The following SMG1 variants were observed in gnomAD, a reference collection of about 807,000 sequenced individuals.
SMG1 encodes the protein serine/threonine-protein kinase SMG1.
Under a neutral mutation model 419.9 loss-of-function variants are expected in SMG1, and 22 were observed. That is an observed-to-expected ratio of 0.05 (90% CI 0.04 to 0.07). The LOEUF is 0.07. Ranked by LOEUF, SMG1 falls within the 10% of genes least tolerant of loss-of-function variation. SMG1 has a pLI of 1.00. For missense variants in SMG1, 3,185 were observed against 4,342.0 expected (o/e 0.73, Z 7.49); for synonymous variants, 1,538 against 1,553.5 (o/e 0.99, Z 0.23).
chr16:18,811,139 G>C (rs996314949), intron 62 of SMG1, among the ~76,000 whole-genome samples: 18 of 152,068 alleles, frequency 1.2e-4, no homozygotes, highest in Admixed American at 9.2e-4. Flanking sequence ...TTTAGATTTT[G>C]GATTCTTTGA....
intron 9 of SMG1, among the ~76,000 whole-genome samples, 150 bp downstream of exon 9, chr16:18,883,918 CAA>C (rs66595727): frequency 2.3e-4 from 22 of 96,870 alleles, no homozygotes; most frequent in Non-Finnish European, 2.2e-4. Context: ...GACTCCATCT[CAA>C]AAAAAAAAAA....
At chr16:18,880,507 G>A (rs1414453138) in intron 10 of SMG1, among the ~76,000 whole-genome samples, 1 of 152,108 alleles carries the variant, frequency 6.6e-6, no homozygotes, top group Non-Finnish European at 1.5e-5. Flanking sequence ...GAGTCCAGGA[G>A]TTTGAGACCA....
At position 18,852,215 on chromosome 16, in the gene SMG1, T is replaced by G; in HGVS notation, c.4914-10A>C. 1.2e-6 allele frequency: 2 copies of G among 1,610,308 alleles called. No homozygotes were observed. Among genetic ancestry groups the G allele is most frequent in the Non-Finnish European group, 1.7e-6 (2 of 1,178,810 alleles). On this transcript the variant is annotated splice_polypyrimidine_tract_variant and intron_variant, in intron 32 of 62. Transcript: ENST00000446231. ...AACACCTTCTCCCTGACTATAAAAATAAACAAGTCATCAGTATTTCAGCTA... is the reference window on the plus strand; with the variant it reads ...AACACCTTCTCCCTGACTATAAAAAGAAACAAGTCATCAGTATTTCAGCTA...
intron 53 of SMG1, 57 bp downstream of exon 53, chr16:18,829,869 G>A: frequency 1.4e-6 from 2 of 1,442,476 alleles, no homozygotes; most frequent in Non-Finnish European, 1.9e-6. Flanking sequence ...ACTCTATCCT[G>A]CCCCCTTCCA....
At chr16:18,888,576 T>A (rs896984674) in intron 6 of SMG1, among the ~76,000 whole-genome samples, 2 of 151,454 alleles carry the variant, frequency 1.3e-5, no homozygotes, top group Admixed American at 1.3e-4. Flanking sequence ...CAAGCGATTC[T>A]CCTGCCTCAG....
At chr16:18,863,163 T>G (rs2035301687) in intron 25 of SMG1, among the ~76,000 whole-genome samples, 1 of 152,232 alleles carries the variant, frequency 6.6e-6, no homozygotes, top group South Asian at 2.1e-4. Context: ...TCTAATGACC[T>G]TTATCTTCCC....
rs562061224 is a variant in SMG1, at chr16:18,925,573, G to A, written c.92+377C>T. On this transcript the variant is annotated intron_variant, in intron 1 of 62. Transcript: ENST00000446231. ...TGAAAGAGTGGGGAACCGAGAAAGT[G>A]AATGAGTAACAGGGAGGGTCCTGGA... is the stretch of plus-strand genomic sequence containing the variant. 89 of 209,304 alleles carry A rather than the reference G, an allele frequency of 4.3e-4. 1 individual carries two copies. The South Asian group carries it at 0.011, about 27-fold the overall frequency. 13.0% of individuals were successfully genotyped at this position (209,304 alleles called of 1,614,324 possible).
intron 1 of SMG1, among the ~76,000 whole-genome samples, chr16:18,908,916 T>C (rs2037687339): frequency 1.3e-5 from 2 of 152,098 alleles, no homozygotes; most frequent in Admixed American, 6.6e-5. Flanking sequence ...ACCATTTTTT[T>C]CAACTCCTGA....
At chr16:18,860,618 T>C (rs1334912138) in intron 26 of SMG1, 49 bp downstream of exon 26, 4 of 790,266 alleles carry the variant, frequency 5.1e-6, no homozygotes, top group South Asian at 3.0e-5. Flanking sequence ...GCCAAACATT[T>C]TGAGCAACTT....
chr16:18,854,831 C>G lies in SMG1; in HGVS notation c.4308G>C (p.Gly1436=). The G allele has an allele frequency of 6.2e-7, 1 of 1,614,008 alleles. No individual in the cohort carries two copies. The highest frequency in any genetic ancestry group is 8.5e-7 in the Non-Finnish European group (1 of 1,179,890). The change falls in exon 30 of 63, where the codon GGG becomes GGC. Residue 1436 remains glycine (G), a synonymous_variant. Coordinates refer to ENST00000446231, the MANE Select transcript of SMG1 (RefSeq NM_015092.5). ...LTAAKFARKR[G]NVSLATRLLA... ...GCAGTCTTGTTGCAAGGGACACATT[C>G]CCTCGTTTTCTAGCAAATTTTGCTG... is the stretch of plus-strand genomic sequence containing the variant.
intron 55 of SMG1, among the ~76,000 whole-genome samples, chr16:18,821,008 G>A (rs1002276864): frequency 6.6e-6 from 1 of 152,078 alleles, no homozygotes; most frequent in Non-Finnish European, 1.5e-5. Context: ...AAAATATTCT[G>A]CTGCCTTAGG....
chr16:18,910,790 C>A (rs373216996), intron 1 of SMG1, among the ~76,000 whole-genome samples: 1 of 152,096 alleles, frequency 6.6e-6, no homozygotes, highest in South Asian at 2.1e-4. Context: ...AGAATACAAC[C>A]TTTCAATGTT....
At chr16:18,919,674 AC>A (rs2038117620) in intron 1 of SMG1, among the ~76,000 whole-genome samples, 1 of 122,442 alleles carries the variant, frequency 8.2e-6, no homozygotes, top group Non-Finnish European at 1.8e-5. Context: ...ACACACACAC[AC>A]ACACACACAC....
rs766174509 is a variant in SMG1, at chr16:18,815,301, G to T, written c.10515-20C>A. The T allele has an allele frequency of 6.5e-7, 1 of 1,545,524 alleles. No individual in the cohort carries two copies. The highest frequency in any genetic ancestry group is 1.4e-5 in the African/African-American group (1 of 72,972). ...TAGATACTGAAATACAAAATAAAAT[G>T]GCTTATTTACGAAATGTTTTACCTG... On this transcript the variant is annotated intron_variant, in intron 59 of 62. Transcript: ENST00000446231.
At position 18,917,722 on chromosome 16, in the gene SMG1, C is replaced by T. The variant is rs530821205; in HGVS notation, c.92+8228G>A. ...CCTCCCGAGTAGCTGGGAATACAGG[C>T]ATGCACCACCACACTCGACTAATTT... is the stretch of plus-strand genomic sequence containing the variant. On this transcript the variant is annotated intron_variant, in intron 1 of 62. Coordinates refer to ENST00000446231, the MANE Select transcript of SMG1 (RefSeq NM_015092.5). Among the ~76,000 whole-genome samples the T allele has an allele frequency of 4.6e-5, 7 of 150,848 alleles. 1 individual carries two copies. In the South Asian group the frequency reaches 1.5e-3, roughly 31 times the overall value.
At chr16:18,922,107 C>G (rs1204989615) in intron 1 of SMG1, among the ~76,000 whole-genome samples, 13 of 152,118 alleles carry the variant, frequency 8.5e-5, no homozygotes, top group Non-Finnish European at 1.8e-4. Context: ...TATTTGACTC[C>G]AATGTCAAAT....
At chr16:18,820,702 C>T (rs1283208535) in intron 55 of SMG1, among the ~76,000 whole-genome samples, 1 of 152,184 alleles carries the variant, frequency 6.6e-6, no homozygotes, top group African/African-American at 2.4e-5. Context: ...GTTGAAAACA[C>T]ATCTTTTCTC....
At position 18,869,256 on chromosome 16, in the gene SMG1, T is replaced by C. The variant is rs746216212; in HGVS notation, c.2681A>G (p.Asp894Gly). The change falls in exon 20 of 63, where the codon GAT becomes GGT. Residue 894 changes from aspartate to glycine, a missense_variant. Physicochemically the swap from Asp to Gly is moderately conservative, Grantham distance 94. This residue lies in a region of SMG1 where 48 missense variants were observed against 48.8 expected (regional missense o/e 0.98). Transcript: ENST00000446231. ...TGGAATTGTTGACTGGTCACGCTTA[T>C]CCAGTCTCTGGCAGCTATAGAACAG... ...ERLFYSCQRL[D>G]KRDQSTIPRN... The C allele has an allele frequency of 3.1e-6, 5 of 1,611,514 alleles. No individual in the cohort carries two copies. In the African/African-American group the frequency reaches 6.7e-5, roughly 22 times the overall value.
chr16:18,809,871 T>G lies in SMG1; in HGVS notation c.10909-225A>C, dbSNP rs549145175. ...AAGAGAGCTAAGACAGTTATAAAGATATGAAAAGCACACAATCCATTAACC... is the reference window on the plus strand; with the variant it reads ...AAGAGAGCTAAGACAGTTATAAAGAGATGAAAAGCACACAATCCATTAACC... On this transcript the variant is annotated intron_variant, in intron 62 of 62. Transcript: ENST00000446231. Among the ~76,000 whole-genome samples the G allele has an allele frequency of 7.9e-5, 12 of 152,070 alleles. No individual in the cohort carries two copies. In the East Asian group the frequency reaches 1.7e-3, roughly 22 times the overall value.
Sources: allele counts gnomAD v4.1 joint callset (sites outside exome capture counted in the v4.1 genomes callset), GRCh38; gene constraint gnomAD v4.1.1; regional missense constraint gnomAD v4.1.1; transcripts MANE v1.5; gene names NCBI Gene and HGNC (gene_info 2026-07-23, HGNC 2026-07-21).